CTNNA2: variants seen among roughly 807,000 people sequenced by gnomAD.
The protein encoded by CTNNA2 is catenin alpha 2, also known as catenin alpha-2.
CTNNA2 carries 42 observed loss-of-function variants against 101.0 expected under a neutral mutation model. The observed-to-expected ratio is 0.42, with a 90% CI of 0.32 to 0.54. The LOEUF (loss-of-function observed/expected upper bound fraction) is 0.54, where lower values mean the gene tolerates loss of function less well. Among genes scored for constraint, CTNNA2 ranks in the 20% least tolerant of loss-of-function variants. CTNNA2 has a pLI of 0.14. For synonymous variants in CTNNA2, 450 were observed against 456.4 expected (o/e 0.99, Z 0.18); for missense variants, 871 against 1,223.1 (o/e 0.71, Z 4.29).
At chr2:80,284,625 A>T (rs1465978) in intron 7 of CTNNA2, among the ~76,000 whole-genome samples, 20,685 of 150,546 alleles carry the variant, frequency 0.14, 1,855 homozygotes, top group South Asian at 0.28. Flanking sequence ...TCAATCACAC[A>T]TTTTTTTTTG....
At chr2:80,230,608 A>G (rs889375550) in intron 7 of CTNNA2, among the ~76,000 whole-genome samples, 3 of 152,120 alleles carry the variant, frequency 2.0e-5, no homozygotes, top group African/African-American at 7.2e-5. Context: ...GGCCATGATG[A>G]AAAGTGTTCT....
chr2:80,620,384 C>T (rs939415298), intron 18 of CTNNA2, among the ~76,000 whole-genome samples: 5 of 151,806 alleles, frequency 3.3e-5, no homozygotes, highest in African/African-American at 1.2e-4. Context: ...GCATAAATCC[C>T]TGACCCCCAA....
At chr2:80,426,140 G>C (rs914502192) in intron 9 of CTNNA2, among the ~76,000 whole-genome samples, 1 of 151,970 alleles carries the variant, frequency 6.6e-6, no homozygotes, top group Non-Finnish European at 1.5e-5. Context: ...GATTAGCTAA[G>C]GACTTCAGGG....
chr2:79,557,527 T>C (rs1674521181), intron 1 of CTNNA2, among the ~76,000 whole-genome samples: 3 of 151,948 alleles, frequency 2.0e-5, no homozygotes, highest in African/African-American at 7.2e-5. Flanking sequence ...CTCAATGCTG[T>C]TCTAATGGTT....
chr2:79,679,824 T>C (rs1683435318), intron 2 of CTNNA2, among the ~76,000 whole-genome samples: 1 of 152,194 alleles, frequency 6.6e-6, no homozygotes, highest in African/African-American at 2.4e-5. Flanking sequence ...TGTGATACAG[T>C]GTGAAGAGAA....
intron 2 of CTNNA2, among the ~76,000 whole-genome samples, chr2:79,262,264 A>G (rs954621407): frequency 4.6e-5 from 7 of 152,222 alleles, no homozygotes; most frequent in African/African-American, 1.7e-4. Flanking sequence ...TGGTTATGCC[A>G]TGAAAAGTGT....
chr2:80,126,354 T>A (rs1702107381), intron 7 of CTNNA2, among the ~76,000 whole-genome samples: 1 of 151,900 alleles, frequency 6.6e-6, no homozygotes, highest in African/African-American at 2.4e-5. Flanking sequence ...TCCCTAATGA[T>A]CCTCCCCATA....
chr2:80,286,914 T>C (rs918658234), intron 7 of CTNNA2, among the ~76,000 whole-genome samples: 17 of 152,326 alleles, frequency 1.1e-4, no homozygotes, highest in African/African-American at 3.8e-4. Context: ...TCATCTTCAG[T>C]CCCTAGAAAC....
intron 7 of CTNNA2, among the ~76,000 whole-genome samples, chr2:80,348,048 A>T (rs1428286249): frequency 6.6e-6 from 1 of 152,084 alleles, no homozygotes; most frequent in Non-Finnish European, 1.5e-5. Flanking sequence ...ACAGAGTTTG[A>T]GAGCCTCTAG....
chr2:79,290,906 T>G (rs1012453485), intron 2 of CTNNA2, among the ~76,000 whole-genome samples: 3 of 152,166 alleles, frequency 2.0e-5, no homozygotes, highest in Non-Finnish European at 2.9e-5. Flanking sequence ...GGGGTCTAAT[T>G]GCGCTGACTA....
chr2:80,468,348 G>A (rs1213244246), intron 9 of CTNNA2, among the ~76,000 whole-genome samples: 1 of 152,172 alleles, frequency 6.6e-6, no homozygotes, highest in Non-Finnish European at 1.5e-5. Context: ...AGCTAGCTGT[G>A]TGCAGTGGAA....
chr2:80,086,186 A>T (rs1260010095), intron 7 of CTNNA2, among the ~76,000 whole-genome samples: 6 of 152,090 alleles, frequency 3.9e-5, no homozygotes. Context: ...GTGGGTACTC[A>T]AAAACATGTA....
chr2:80,377,711 T>C (rs1372655734), intron 7 of CTNNA2, among the ~76,000 whole-genome samples: 1 of 152,208 alleles, frequency 6.6e-6, no homozygotes, highest in Non-Finnish European at 1.5e-5. Flanking sequence ...CTTAGTGTCA[T>C]AAGCCTTCTA....
At chr2:79,226,861 C>G (rs891666920) in intron 2 of CTNNA2, among the ~76,000 whole-genome samples, 2 of 152,096 alleles carry the variant, frequency 1.3e-5, no homozygotes, top group African/African-American at 2.4e-5. Context: ...GTAACTTCAT[C>G]TTAGCAACAG....
chr2:80,185,140 T>C (rs1040494046), intron 7 of CTNNA2, among the ~76,000 whole-genome samples: 2 of 152,194 alleles, frequency 1.3e-5, no homozygotes, highest in Non-Finnish European at 2.9e-5. Flanking sequence ...TACAGGAATC[T>C]TAAAGCTTCA....
chr2:80,482,647 T>A (rs1686238970), intron 9 of CTNNA2, among the ~76,000 whole-genome samples: 1 of 152,208 alleles, frequency 6.6e-6, no homozygotes, highest in Non-Finnish European at 1.5e-5. Context: ...AGGGAGCTAC[T>A]GGCCAAATTA....
Position 80,302,720 on chromosome 2 carries a change from G to T in CTNNA2, c.1057-90491G>T. On this transcript the variant is annotated intron_variant, in intron 7 of 18. Transcript: ENST00000402739. The surrounding 1 kb of genome is among the most constrained non-coding windows in gnomAD (Gnocchi z 6.4). ...GAGCAGGTGGCCGCTGGTGGGCTCG[G>T]CCCCATCCTCGCACAGGTGGAAGGC... is the stretch of plus-strand genomic sequence containing the variant. 5 of 1,612,900 alleles carry T rather than the reference G, an allele frequency of 3.1e-6. No homozygotes were observed. Among genetic ancestry groups the T allele is most frequent in the Non-Finnish European group, 4.2e-6 (5 of 1,179,830 alleles).
intron 2 of CTNNA2, among the ~76,000 whole-genome samples, chr2:79,732,866 C>T (rs1471610474): frequency 1.3e-5 from 2 of 152,022 alleles, no homozygotes; most frequent in Non-Finnish European, 2.9e-5. Context: ...TAACACCTGG[C>T]TTCCATGTTT....
chr2:79,487,063 A>G (rs932768014), intron 4 of CTNNA2, among the ~76,000 whole-genome samples: 3 of 152,186 alleles, frequency 2.0e-5, no homozygotes, highest in African/African-American at 7.2e-5. Context: ...AAAAACTACT[A>G]ATGCTTTTTA....
Sources: allele counts gnomAD v4.1 joint callset (sites outside exome capture counted in the v4.1 genomes callset), GRCh38; gene constraint gnomAD v4.1.1; non-coding constraint Gnocchi (gnomAD v3.1); transcripts MANE v1.5; gene names NCBI Gene and HGNC (gene_info 2026-07-23, HGNC 2026-07-21).